COMMD10: variants seen among roughly 807,000 people sequenced by gnomAD.
COMMD10 encodes COMM domain containing 10.
A neutral mutation model predicts 28.9 loss-of-function variants in COMMD10; 33 were observed. The observed-to-expected ratio is 1.14, with a 90% CI of 0.87 to 1.53. COMMD10 has a LOEUF of 1.53. Among genes scored for constraint, COMMD10 ranks in the 40% most tolerant of loss-of-function variants. The pLI is 0.00. For synonymous variants in COMMD10, 110 were observed against 81.7 expected (o/e 1.35, Z -1.87); for missense variants, 310 against 233.4 (o/e 1.33, Z -2.14).
chr5:116,123,571 A>G (rs1261678448), intron 4 of COMMD10, among the ~76,000 whole-genome samples: 1 of 152,176 alleles, frequency 6.6e-6, no homozygotes, highest in Non-Finnish European at 1.5e-5. Flanking sequence ...TATCAAGATG[A>G]TGCTGGCCTC....
chr5:116,231,139 T>G (rs1373974493), intron 5 of COMMD10, among the ~76,000 whole-genome samples: 4 of 152,160 alleles, frequency 2.6e-5, no homozygotes, highest in African/African-American at 9.7e-5. Context: ...TGTTCTAAAA[T>G]AAGGTCAAGC....
At chr5:116,148,045 A>G (rs1343775372) in intron 5 of COMMD10, among the ~76,000 whole-genome samples, 1 of 151,716 alleles carries the variant, frequency 6.6e-6, no homozygotes, top group Non-Finnish European at 1.5e-5. Context: ...TTTTTGGTAA[A>G]TATAATTTAT....
intron 5 of COMMD10, among the ~76,000 whole-genome samples, chr5:116,243,358 A>T (rs1749862120): frequency 6.6e-6 from 1 of 152,172 alleles, no homozygotes; most frequent in African/African-American, 2.4e-5. Flanking sequence ...TTTTAAACTG[A>T]ATAGGAGAGT....
At chr5:116,207,207 AAAT>A (rs1748835603) in intron 5 of COMMD10, among the ~76,000 whole-genome samples, 1 of 152,212 alleles carries the variant, frequency 6.6e-6, no homozygotes, top group African/African-American at 2.4e-5. Flanking sequence ...CATGGTTTTG[AAAT>A]AAGCATATAG....
rs1751635777 is a variant in COMMD10 at position 116,126,312 on chromosome 5, A to G, written c.400-7756A>G. 2.6e-5 allele frequency among the ~76,000 whole-genome samples: 4 copies of G among 152,224 alleles called. No homozygotes were observed. In the South Asian group the frequency reaches 8.3e-4, roughly 32 times the overall value. ...ATGGAAGAACATTCCATGCTCATGAATAGGAAGAATCGATATCATGAAAAT... is the reference window on the plus strand; with the variant it reads ...ATGGAAGAACATTCCATGCTCATGAGTAGGAAGAATCGATATCATGAAAAT... On this transcript the variant is annotated intron_variant, in intron 4 of 6. Transcript: ENST00000274458.
intron 5 of COMMD10, among the ~76,000 whole-genome samples, chr5:116,226,588 G>C (rs1749399740): frequency 6.6e-6 from 1 of 151,654 alleles, no homozygotes; most frequent in South Asian, 2.1e-4. Context: ...GAACTTAGTA[G>C]CAATATTGGG....
At position 116,131,989 on chromosome 5, in the gene COMMD10, A is replaced by G. The variant is rs1020865002; in HGVS notation, c.400-2079A>G. Among the ~76,000 whole-genome samples the G allele has an allele frequency of 3.9e-5, 6 of 151,938 alleles. No homozygotes were observed. The East Asian group carries it at 5.8e-4, about 15-fold the overall frequency. ...GTTATCCCATCCTGAGGGGTTTTGT[A>G]TATAGAGTTTGGATTTTATTTTGTA... On this transcript the variant is annotated intron_variant, in intron 4 of 6. Coordinates refer to ENST00000274458, the MANE Select transcript of COMMD10 (RefSeq NM_016144.4).
intron 5 of COMMD10, among the ~76,000 whole-genome samples, chr5:116,182,415 G>T (rs1466341236): frequency 6.6e-6 from 1 of 151,824 alleles, no homozygotes; most frequent in Non-Finnish European, 1.5e-5. Flanking sequence ...GGTGTGGGGG[G>T]TGGGTGTCAG....
intron 4 of COMMD10, among the ~76,000 whole-genome samples, chr5:116,106,281 G>C (rs191505753): frequency 3.3e-5 from 5 of 152,240 alleles, no homozygotes; most frequent in African/African-American, 1.2e-4. Flanking sequence ...CAGTTTCCAT[G>C]TGTTGTGAGG....
chr5:116,234,749 G>C (rs1749616615), intron 5 of COMMD10, among the ~76,000 whole-genome samples: 1 of 152,164 alleles, frequency 6.6e-6, no homozygotes, highest in Non-Finnish European at 1.5e-5. Context: ...CATCCAATTG[G>C]ATAATTTCAC....
intron 5 of COMMD10, among the ~76,000 whole-genome samples, chr5:116,288,084 A>G (rs1408210327): frequency 1.3e-5 from 2 of 151,758 alleles, no homozygotes; most frequent in African/African-American, 4.9e-5. Flanking sequence ...TTTCAACTTA[A>G]AGAACTTCCT....
intron 4 of COMMD10, among the ~76,000 whole-genome samples, chr5:116,131,877 A>G (rs1210933051): frequency 2.0e-5 from 3 of 152,072 alleles, no homozygotes; most frequent in South Asian, 4.1e-4. Context: ...GAAACAGCAT[A>G]GTATGTTTTG....
At chr5:116,275,257 T>G (rs1750872521) in intron 5 of COMMD10, among the ~76,000 whole-genome samples, 1 of 151,876 alleles carries the variant, frequency 6.6e-6, no homozygotes, top group Non-Finnish European at 1.5e-5. Flanking sequence ...TCTATGCTAG[T>G]TCAAGCCACC....
At chr5:116,138,743 G>A (rs1422405535) in intron 5 of COMMD10, among the ~76,000 whole-genome samples, 1 of 151,618 alleles carries the variant, frequency 6.6e-6, no homozygotes, top group Non-Finnish European at 1.5e-5. Flanking sequence ...AAGTAATTAT[G>A]ATTTTGAATG....
chr5:116,108,946 AG>A (rs1750942348), intron 4 of COMMD10, among the ~76,000 whole-genome samples: 1 of 152,048 alleles, frequency 6.6e-6, no homozygotes, highest in African/African-American at 2.4e-5. Context: ...TGGCTGGGGA[AG>A]GGGGATCTCC....
chr5:116,201,265 C>T lies in COMMD10; in HGVS notation c.510+67087C>T, dbSNP rs559103469. Among the ~76,000 whole-genome samples the T allele has an allele frequency of 2.2e-4, 33 of 152,222 alleles. No individual in the cohort carries two copies. In the South Asian group the frequency reaches 4.4e-3, roughly 20 times the overall value. Reference sequence around the variant, plus strand: ...GTGATCCGGCATATTTTAAAAATGGCGTGTCCTTTCCTTTGCTGGAAGCAT... The same window carrying T: ...GTGATCCGGCATATTTTAAAAATGGTGTGTCCTTTCCTTTGCTGGAAGCAT... On this transcript the variant is annotated intron_variant, in intron 5 of 6. Coordinates refer to ENST00000274458, the MANE Select transcript of COMMD10 (RefSeq NM_016144.4).
chr5:116,247,965 T>C (rs1749997430), intron 5 of COMMD10, among the ~76,000 whole-genome samples: 1 of 143,868 alleles, frequency 7.0e-6, no homozygotes, highest in African/African-American at 3.0e-5. Context: ...AACTTAAAAG[T>C]TAAAAAGATA....
intron 5 of COMMD10, among the ~76,000 whole-genome samples, chr5:116,165,764 G>T (rs931856880): frequency 2.0e-5 from 3 of 151,824 alleles, no homozygotes; most frequent in Non-Finnish European, 4.4e-5. Context: ...TCTTATAAAG[G>T]CACTCATCCT....
At chr5:116,198,197 T>C (rs1371524365) in intron 5 of COMMD10, among the ~76,000 whole-genome samples, 1 of 152,176 alleles carries the variant, frequency 6.6e-6, no homozygotes. Flanking sequence ...CTAAGTACAT[T>C]TTGGTTTTTC....
Sources: gnomAD v4.1 joint callset for allele counts (sites outside exome capture counted in the v4.1 genomes callset) on GRCh38, gnomAD v4.1.1 for gene constraint, MANE v1.5 for transcripts, NCBI Gene and HGNC (gene_info 2026-07-23, HGNC 2026-07-21) for gene names.